The following ZNF557 variants were observed in gnomAD, a reference collection of about 807,000 sequenced individuals.
ZNF557 encodes CTB-25J19.9.
Under a neutral mutation model 21.2 loss-of-function variants are expected in ZNF557, and 19 were observed. That is an observed-to-expected ratio of 0.90 (90% CI 0.63 to 1.32). ZNF557 has a LOEUF of 1.32. Among genes scored for constraint, ZNF557 ranks in the 40% most tolerant of loss-of-function variants. The probability of loss-of-function intolerance (pLI) is 0.00; values close to 1 mark genes in which losing one functional copy is unlikely to be tolerated. For missense variants in ZNF557, 487 were observed against 519.8 expected (o/e 0.94, Z 0.61); for synonymous variants, 207 against 194.8 (o/e 1.06, Z -0.52).
In ZNF557 at chr19:7,086,356, C is replaced by CTTTTTTTTTTTTTT. The variant is rs57651395; in HGVS notation, c.*2622_*2635dup. ...TGTCCTAATATAGCAAATACTGTTT[C>CTTTTTTTTTTTTTT]TTTTTTTTTTTTTTTTTTTTTTTGA... On this transcript the variant is annotated 3_prime_UTR_variant, in exon 8 of 8. Coordinates refer to ENST00000252840, the MANE Select transcript of ZNF557 (RefSeq NM_024341.3). 1 of 86,650 alleles carries CTTTTTTTTTTTTTT rather than the reference C, an allele frequency of 1.2e-5. No homozygotes were observed. Among genetic ancestry groups the CTTTTTTTTTTTTTT allele is most frequent in the Non-Finnish European group, 2.1e-5 (1 of 47,686 alleles). 5.4% of individuals were successfully genotyped at this position (86,650 alleles called of 1,614,324 possible). A position where few individuals can be genotyped will look rare whatever the true frequency, so the allele number is the denominator to read the frequency against.
chr19:7,071,793 GCA>G (rs1977464799), intron 2 of ZNF557, among the ~76,000 whole-genome samples: 1 of 77,150 alleles, frequency 1.3e-5, no homozygotes, highest in African/African-American at 5.3e-5. Flanking sequence ...GAGCAAGACT[GCA>G]TCTCAAAAAA....
chr19:7,074,472 C>T (rs1568406297), intron 2 of ZNF557, among the ~76,000 whole-genome samples: 1 of 145,692 alleles, frequency 6.9e-6, no homozygotes, highest in African/African-American at 2.5e-5. Flanking sequence ...GATCTTCTCT[C>T]TTTTTTTTTT....
At chr19:7,073,623 G>A (rs1316341676) in intron 2 of ZNF557, among the ~76,000 whole-genome samples, 1 of 151,972 alleles carries the variant, frequency 6.6e-6, no homozygotes, top group African/African-American at 2.4e-5. Flanking sequence ...GGAGGGTGGG[G>A]GCTGTGAGGC....
intron 4 of ZNF557, 48 bp downstream of exon 4, chr19:7,075,791 G>A (rs757788471): frequency 5.0e-6 from 8 of 1,600,926 alleles, no homozygotes; most frequent in South Asian, 2.2e-5. Context: ...TCAGCCAGAA[G>A]GTTGGACTTG....
intron 2 of ZNF557, among the ~76,000 whole-genome samples, chr19:7,071,824 A>AAAAGAG (rs1977466352): frequency 7.6e-6 from 1 of 131,390 alleles, no homozygotes. Context: ...AAAAAAAAAA[A>AAAAGAG]GCTGGGCATG....
At chr19:7,070,213 T>C (rs1177651158) in intron 1 of ZNF557, among the ~76,000 whole-genome samples, 1 of 152,182 alleles carries the variant, frequency 6.6e-6, no homozygotes, top group Non-Finnish European at 1.5e-5. Context: ...GAATACACTG[T>C]AGAAATTATT....
chr19:7,073,960 G>A (rs1038203364), intron 2 of ZNF557, among the ~76,000 whole-genome samples: 1 of 150,036 alleles, frequency 6.7e-6, no homozygotes, highest in Non-Finnish European at 1.5e-5. Context: ...GACAGCGCCT[G>A]CCCCCGCCCC....
intron 5 of ZNF557, 35 bp from the exon 6 acceptor site, chr19:7,081,325 T>TC: frequency 7.0e-7 from 1 of 1,419,302 alleles, no homozygotes; most frequent in South Asian, 1.2e-5. Flanking sequence ...TGCTGCACAG[T>TC]CCCCCTACAT....
chr19:7,073,139 G>GTTTT (rs1223246978), intron 2 of ZNF557, among the ~76,000 whole-genome samples: 1 of 98,324 alleles, frequency 1.0e-5, no homozygotes, highest in Non-Finnish European at 2.1e-5. Context: ...ACAGATATTT[G>GTTTT]TTTTTTTGGT....
Position 7,084,968 on chromosome 19 carries a change from G to GAGTATACACAGTA in ZNF557, c.*1236_*1237insAAGTATACACAGT, listed in dbSNP as rs1359016019. 1.3e-5 allele frequency: 2 copies of GAGTATACACAGTA among 152,106 alleles called. No individual in the cohort carries two copies. Among genetic ancestry groups the GAGTATACACAGTA allele is most frequent in the African/African-American group, 2.4e-5 (1 of 41,418 alleles). The allele number at this position is 152,106 out of a possible 1,614,324, so 9.4% of individuals were successfully genotyped here. On this transcript the variant is annotated 3_prime_UTR_variant, in exon 8 of 8. Transcript: ENST00000252840. ...AGATCATACAACAGAGGAATATGTT[G>GAGTATACACAGTA]AGTATACACAGTGTTGAAAAGCCTG...
At chr19:7,073,284 G>C (rs1433343077) in intron 2 of ZNF557, among the ~76,000 whole-genome samples, 4 of 151,160 alleles carry the variant, frequency 2.6e-5, no homozygotes, top group Non-Finnish European at 5.9e-5. Flanking sequence ...CCAAGTAGCT[G>C]GGATTACAGG....
Position 7,075,073 on chromosome 19 carries a change from G to A in ZNF557, c.-2G>A, listed in dbSNP as rs751747849. 36 of 1,614,040 alleles carry A rather than the reference G, an allele frequency of 2.2e-5. No individual in the cohort carries two copies. Among genetic ancestry groups the A allele is most frequent in the Non-Finnish European group, 3.0e-5 (35 of 1,180,040 alleles). The stretch of plus-strand genomic sequence containing the variant: ...CTGCCCTGTTGCTGTCGGAGTCACA[G>A]GATGGCGGCTGTCGTCCTGCCCCCA... On this transcript the variant is annotated 5_prime_UTR_variant, in exon 3 of 8. Transcript: ENST00000252840.
In ZNF557 at chr19:7,084,519, T is replaced by A. The variant is rs1977792604; in HGVS notation, c.*775T>A. The A allele has an allele frequency of 1.4e-5, 2 of 147,468 alleles. No homozygotes were observed. Among genetic ancestry groups the A allele is most frequent in the African/African-American group, 5.0e-5 (2 of 39,710 alleles). The allele number at this position is 147,468 out of a possible 1,614,324, so 9.1% of individuals were successfully genotyped here. ...GTGCATGACACCATGTCTGGCTAAT[T>A]TGTTTTTTTTTAAACTAGAGGGAGG... On this transcript the variant is annotated 3_prime_UTR_variant, in exon 8 of 8. Coordinates refer to ENST00000252840, the MANE Select transcript of ZNF557 (RefSeq NM_024341.3).
Position 7,083,429 on chromosome 19 carries a change from G to A in ZNF557, c.978G>A (p.Gly326=). 1.2e-6 allele frequency: 2 copies of A among 1,614,162 alleles called. No homozygotes were observed. The highest frequency in any genetic ancestry group is 2.2e-5 in the South Asian group (2 of 91,078). Residue 326 remains glycine (G), a synonymous_variant, in exon 8 of 8, where the codon GGG becomes GGA. Coordinates refer to ENST00000252840, the MANE Select transcript of ZNF557 (RefSeq NM_024341.3). Reference sequence around the variant, plus strand: ...ACCCTTACGAATGCCACGATTGTGGGAGAACCTTCAGGAGGAGGTCGAATC... The same window carrying A: ...ACCCTTACGAATGCCACGATTGTGGAAGAACCTTCAGGAGGAGGTCGAATC... ...GEYPYECHDC[G]RTFRRRSNLT...
rs1291933345 is a variant in ZNF557, at chr19:7,083,155, C to T, written c.704C>T (p.Pro235Leu). 1 of 1,614,142 alleles carries T rather than the reference C, an allele frequency of 6.2e-7. No individual in the cohort carries two copies. The highest frequency in any genetic ancestry group is 1.1e-5 in the South Asian group (1 of 91,078). Reference protein sequence around the residue: ...VHKRIHNGEKPYECSDCGKTF... With the variant: ...VHKRIHNGEKLYECSDCGKTF... ...AAGAGAATCCACAATGGGGAGAAACCCTACGAATGCAGTGACTGTGGGAAA... is the reference window on the plus strand; with the variant it reads ...AAGAGAATCCACAATGGGGAGAAACTCTACGAATGCAGTGACTGTGGGAAA... Residue 235 changes from proline (P) to leucine (L), a missense_variant, in exon 8 of 8, where the codon CCC (proline) becomes CTC (leucine). Pro to Leu is a moderately conservative substitution (Grantham distance 98). Coordinates refer to ENST00000252840, the MANE Select transcript of ZNF557 (RefSeq NM_024341.3).
At chr19:7,080,147 C>T (rs930063533) in intron 5 of ZNF557, among the ~76,000 whole-genome samples, 4 of 151,972 alleles carry the variant, frequency 2.6e-5, no homozygotes, top group Non-Finnish European at 5.9e-5. Context: ...ACTAAAAATA[C>T]AAAAAAATCA....
In ZNF557 at chr19:7,076,386, G is replaced by T; in HGVS notation, c.126G>T (p.Leu42Phe). Residue 42 changes from leucine to phenylalanine, a missense_variant, in exon 5 of 8, where the codon TTG becomes TTT. Physicochemically the swap from Leu to Phe is conservative, Grantham distance 22. Coordinates refer to ENST00000252840, the MANE Select transcript of ZNF557 (RefSeq NM_024341.3). The part of the protein sequence containing the change: ...NELLKSWLKG[L>F]VTFEDVAVEF... Reference sequence around the variant, plus strand: ...TGATGTTTGCAATGCTTTAGGGCTTGGTGACCTTTGAGGATGTGGCCGTGG... The same window carrying T: ...TGATGTTTGCAATGCTTTAGGGCTTTGTGACCTTTGAGGATGTGGCCGTGG... 6.2e-7 allele frequency: 1 copy of T among 1,614,182 alleles called. No homozygotes were observed. Among genetic ancestry groups the T allele is most frequent in the Non-Finnish European group, 8.5e-7 (1 of 1,180,034 alleles).
chr19:7,082,896 G>T lies in ZNF557; in HGVS notation c.445G>T (p.Ala149Ser). ...NMKMERNHLG[A>S]TLNECNQCFK... ...TCAATAGGAGAGGAATCATCTTGGA[G>T]CAACACTCAACGAATGTAATCAGTG... The change falls in exon 8 of 8, where the codon GCA becomes TCA. Residue 149 changes from alanine to serine, a missense_variant. By Grantham distance (99) the Ala-to-Ser change is moderately conservative. Transcript: ENST00000252840. The T allele has an allele frequency of 1.3e-6, 2 of 1,589,130 alleles. No individual in the cohort carries two copies. The highest frequency in any genetic ancestry group is 1.3e-5 in the African/African-American group (1 of 74,294).
intron 3 of ZNF557, 26 bp downstream of exon 3, chr19:7,075,131 TCA>T (rs1568406688): frequency 1.2e-6 from 2 of 1,613,830 alleles, no homozygotes; most frequent in African/African-American, 2.7e-5. Flanking sequence ...CTGGCAGTTC[TCA>T]GAGTCCAGGC....
Sources: allele counts gnomAD v4.1 joint callset (sites outside exome capture counted in the v4.1 genomes callset), GRCh38; gene constraint gnomAD v4.1.1; transcripts MANE v1.5; gene names NCBI Gene and HGNC (gene_info 2026-07-23, HGNC 2026-07-21).